TRPC5: variants seen among roughly 807,000 people sequenced by gnomAD.
TRPC5 encodes the protein transient receptor potential cation channel subfamily C member 5.
Under a neutral mutation model 56.5 loss-of-function variants are expected in TRPC5, and 9 were observed. The ratio of observed to expected loss-of-function variants is 0.16; its 90% CI spans 0.10 to 0.28. The LOEUF (loss-of-function observed/expected upper bound fraction) is 0.28. Ranked by LOEUF, TRPC5 falls within the 10% of genes least tolerant of loss-of-function variation. TRPC5 has a pLI of 1.00. For synonymous variants in TRPC5, 282 were observed against 278.5 expected, an observed-to-expected ratio of 1.01 and a Z score of -0.13; for missense variants, 469 against 748.9, an observed-to-expected ratio of 0.63 and a Z score of 4.36.
At chrX:111,836,373 T>G (rs975756935) in intron 6 of TRPC5, among the ~76,000 whole-genome samples, 1 of 112,130 alleles carries the variant, frequency 8.9e-6, no homozygotes, top group Non-Finnish European at 1.9e-5. Flanking sequence ...TGTGTCGTTC[T>G]TAATGAGCAC....
chrX:111,807,814 C>A (rs957722165), intron 7 of TRPC5, among the ~76,000 whole-genome samples: 5 of 112,467 alleles, frequency 4.4e-5, no homozygotes, highest in African/African-American at 1.6e-4. Context: ...CCCAGTAATA[C>A]TGTGGCTCTT....
intron 2 of TRPC5, among the ~76,000 whole-genome samples, chrX:111,944,771 C>T (rs183727764): frequency 2.0e-4 from 22 of 111,301 alleles, no homozygotes; most frequent in Non-Finnish European, 2.6e-4. Flanking sequence ...TGTAGTGATG[C>T]GGCTATAAGC....
intron 2 of TRPC5, among the ~76,000 whole-genome samples, chrX:111,935,015 G>A (rs991988211): frequency 1.3e-4 from 14 of 111,850 alleles, no homozygotes; most frequent in African/African-American, 4.2e-4. Context: ...TCATATGGTA[G>A]TTCTATTTTT....
Position 111,817,762 on chromosome X carries a change from A to G in TRPC5, c.1896+17159T>C, listed in dbSNP as rs748786962. 6.3e-5 allele frequency among the ~76,000 whole-genome samples: 7 copies of G among 111,669 alleles called. No homozygotes were observed. In the East Asian group the frequency reaches 1.7e-3, roughly 27 times the overall value. On this transcript the variant is annotated intron_variant, in intron 7 of 10. Coordinates refer to ENST00000262839, the MANE Select transcript of TRPC5 (RefSeq NM_012471.3). ...TCTAGGGTCACAGATCTAGTCAATG[A>G]TAAAGCAGATCCAGAATCGAAGTCT...
chrX:111,934,013 T>C (rs1926493653), intron 2 of TRPC5, among the ~76,000 whole-genome samples: 1 of 111,164 alleles, frequency 9.0e-6, no homozygotes, highest in African/African-American at 3.3e-5. Flanking sequence ...GTTTCTTATA[T>C]ATTCTGAGAA....
chrX:111,778,651 G>A (rs1179434015), intron 10 of TRPC5, among the ~76,000 whole-genome samples: 1 of 111,902 alleles, frequency 8.9e-6, no homozygotes, highest in East Asian at 2.8e-4. Context: ...AATTAAGTCT[G>A]CAGGCATCTT....
At chrX:111,929,526 T>A (rs1265487666) in intron 2 of TRPC5, among the ~76,000 whole-genome samples, 2 of 112,315 alleles carry the variant, frequency 1.8e-5, no homozygotes, top group African/African-American at 6.5e-5. Flanking sequence ...TAAACAGTTA[T>A]CCCTCACAAC....
chrX:112,067,815 G>A (rs1276538090), intron 1 of TRPC5, among the ~76,000 whole-genome samples: 2 of 112,185 alleles, frequency 1.8e-5, no homozygotes, highest in African/African-American at 6.5e-5. Flanking sequence ...TGGGAGGAAC[G>A]CCAGGTGCAT....
At position 111,952,156 on chromosome X, in the gene TRPC5, G is replaced by A; in HGVS notation, c.265C>T (p.Leu89=). 1.6e-6 allele frequency: 2 copies of A among 1,212,377 alleles called. No homozygotes were observed. Among genetic ancestry groups the A allele is most frequent in the Non-Finnish European group, 2.2e-6 (2 of 895,687 alleles). Residue 89 remains leucine, a synonymous_variant, in exon 2 of 11, where the codon CTG becomes TTG. Coordinates refer to ENST00000262839, the MANE Select transcript of TRPC5 (RefSeq NM_012471.3). ...CCCACATACACGCTGTGGTTCAGCA[G>A]TAGCTCCATGATCTCCAGGTTCTCG... ...ENENLEIMEL[L]LNHSVYVGDA...
At chrX:111,901,582 T>G (rs1364036311) in intron 3 of TRPC5, 1 of 220,309 alleles carries the variant, frequency 4.5e-6, no homozygotes, top group Non-Finnish European at 8.1e-6. Context: ...GTCCGCCTGA[T>G]GGTCATTATA....
Position 111,952,064 on chromosome X carries a change from C to T in TRPC5, c.357G>A (p.Arg119=). 1.7e-6 allele frequency: 2 copies of T among 1,210,170 alleles called. No individual in the cohort carries two copies. Among genetic ancestry groups the T allele is most frequent in the Non-Finnish European group, 2.2e-6 (2 of 894,373 alleles). The change falls in exon 2 of 11, where the codon AGG becomes AGA. Residue 119 remains arginine, a synonymous_variant. Transcript: ENST00000262839. The stretch of plus-strand genomic sequence containing the variant: ...TTACCTGCTTCTCTCCGCTGGGCCG[C>T]CTGTAGCTGAGCAGAAGCTCCACAG... ...VGAVELLLSY[R]RPSGEKQVPT...
intron 1 of TRPC5, among the ~76,000 whole-genome samples, chrX:111,978,318 A>C (rs180896580): frequency 6.3e-5 from 7 of 111,756 alleles, no homozygotes; most frequent in African/African-American, 2.3e-4. Context: ...ATTCTAGGTG[A>C]AATAAGCAAG....
At chrX:112,015,308 C>T (rs939612263) in intron 1 of TRPC5, among the ~76,000 whole-genome samples, 8 of 111,663 alleles carry the variant, frequency 7.2e-5, no homozygotes, top group African/African-American at 2.3e-4. Context: ...GCTTCAGAGC[C>T]ACCTGAATCA....
chrX:111,974,471 C>T (rs1927866754), intron 1 of TRPC5, among the ~76,000 whole-genome samples: 1 of 112,035 alleles, frequency 8.9e-6, no homozygotes, highest in Non-Finnish European at 1.9e-5. Flanking sequence ...TTTCAGAACT[C>T]TGGAAATTAA....
Position 111,768,025 on chromosome X carries a change from A to G in TRPC5, c.*8288T>C, listed in dbSNP as rs1945823454. On this transcript the variant is annotated 3_prime_UTR_variant, in exon 11 of 11. Coordinates refer to ENST00000262839, the MANE Select transcript of TRPC5 (RefSeq NM_012471.3). ...GTTGTCACACATTTCAGGGGAAAAA[A>G]GTAAATACTTTATTTTGTTGATACT... Among the ~76,000 whole-genome samples the G allele has an allele frequency of 8.9e-6, 1 of 112,076 alleles. No homozygotes were observed. The highest frequency in any genetic ancestry group is 9.5e-5 in the Admixed American group (1 of 10,560).
At chrX:111,914,981 C>T (rs1377018340) in intron 2 of TRPC5, among the ~76,000 whole-genome samples, 1 of 111,178 alleles carries the variant, frequency 9.0e-6, no homozygotes, top group Non-Finnish European at 1.9e-5. Flanking sequence ...GAGAGGCTAA[C>T]CTGTAGCACA....
intron 1 of TRPC5, among the ~76,000 whole-genome samples, chrX:111,977,820 G>A (rs73266329): frequency 0.023 from 2,565 of 111,553 alleles, 32 homozygotes; most frequent in Non-Finnish European, 0.034. Context: ...CTAAATAGAC[G>A]CTTCTCAAAA....
chrX:111,888,599 C>G (rs1393906467), intron 3 of TRPC5, among the ~76,000 whole-genome samples: 2 of 97,011 alleles, frequency 2.1e-5, no homozygotes, highest in Non-Finnish European at 4.0e-5. Context: ...GAGGCTGAGG[C>G]AGGAGAATGG....
In TRPC5 at chrX:111,815,732, C is replaced by CAT. The variant is rs748010387; in HGVS notation, c.1896+19187_1896+19188dup. On this transcript the variant is annotated intron_variant, in intron 7 of 10. Transcript: ENST00000262839. ...AGAGACAGAGTGAGAATCACACACACATATATATATATATATATTCAGCAG... is the reference window on the plus strand; with the variant it reads ...AGAGACAGAGTGAGAATCACACACACATATATATATATATATATATTCAGCAG... Among the ~76,000 whole-genome samples, 868 of 106,089 alleles carry CAT rather than the reference C, an allele frequency of 8.2e-3. 4 individuals are homozygous for CAT. The highest frequency in any genetic ancestry group is 0.015 in the African/African-American group (441 of 29,377). 92.1% of individuals were successfully genotyped at this position (106,089 alleles called of 115,157 possible). A position where few individuals can be genotyped will look rare whatever the true frequency, so the allele number is the denominator to read the frequency against.
Sources: gnomAD v4.1 joint callset for allele counts (sites outside exome capture counted in the v4.1 genomes callset) on GRCh38, gnomAD v4.1.1 for gene constraint, MANE v1.5 for transcripts, NCBI Gene and HGNC (gene_info 2026-07-23, HGNC 2026-07-21) for gene names.